REST: variants seen among roughly 807,000 people sequenced by gnomAD.
The protein encoded by REST is RE1-silencing transcription factor.
A neutral mutation model predicts 30.4 loss-of-function variants in REST; 1 was observed. The observed-to-expected ratio is 0.03, with a 90% CI of 0.01 to 0.16. The LOEUF (loss-of-function observed/expected upper bound fraction) is 0.16. Among genes scored for constraint, REST ranks in the 10% least tolerant of loss-of-function variants. REST has a pLI of 1.00. For synonymous variants in REST, 504 were observed against 451.1 expected (o/e 1.12, Z -1.49); for missense variants, 1,259 against 1,329.5 (o/e 0.95, Z 0.82).
intron 2 of REST, among the ~76,000 whole-genome samples, chr4:56,916,080 G>A (rs1328539077): frequency 6.7e-6 from 1 of 149,596 alleles, no homozygotes; most frequent in East Asian, 2.1e-4. Context: ...CAGCCTGGGG[G>A]ACAGAGTGAG....
chr4:56,925,669 G>T (rs1042521537), intron 3 of REST, among the ~76,000 whole-genome samples: 4 of 152,202 alleles, frequency 2.6e-5, no homozygotes, highest in Non-Finnish European at 1.5e-5. Flanking sequence ...TTGGGAAAAA[G>T]AATTTAAAAT....
chr4:56,919,945 C>T (rs1225342365), intron 3 of REST, 75 bp downstream of exon 3: 1 of 657,260 alleles, frequency 1.5e-6, no homozygotes, highest in East Asian at 2.7e-5. Context: ...AGACTTGTAA[C>T]CGAGTCATTT....
At chr4:56,918,526 C>A (rs1048541928) in intron 2 of REST, among the ~76,000 whole-genome samples, 4 of 152,106 alleles carry the variant, frequency 2.6e-5, no homozygotes, top group Non-Finnish European at 5.9e-5. Flanking sequence ...TGATGACCTT[C>A]TCTTAAATTT....
At chr4:56,915,099 T>G (rs1172677690) in intron 2 of REST, among the ~76,000 whole-genome samples, 2 of 150,858 alleles carry the variant, frequency 1.3e-5, no homozygotes, top group African/African-American at 4.9e-5. Context: ...AATTTTGTAT[T>G]TTTAGTAGAG....
chr4:56,913,935 C>T (rs886842443), intron 2 of REST, among the ~76,000 whole-genome samples: 9 of 149,354 alleles, frequency 6.0e-5, no homozygotes, highest in African/African-American at 9.9e-5. Context: ...TGAGCCACCG[C>T]GCCTGGCCAG....
chr4:56,926,325 G>A (rs749223570), intron 3 of REST, among the ~76,000 whole-genome samples: 10 of 151,932 alleles, frequency 6.6e-5, no homozygotes, highest in Admixed American at 2.6e-4. Flanking sequence ...CGCCTGCCTC[G>A]GCTTCCCAAA....
Position 56,919,767 on chromosome 4 carries a change from A to T in REST, c.899-20A>T. On this transcript the variant is annotated intron_variant, in intron 2 of 3. Transcript: ENST00000309042. ...TATTTCGTGACATTTAAACACTCTT[A>T]TATTATTGAAATTTTGCAGGAGAAC... 6.6e-7 allele frequency: 1 copy of T among 1,513,222 alleles called. No homozygotes were observed. The highest frequency in any genetic ancestry group is 9.2e-7 in the Non-Finnish European group (1 of 1,091,848). The allele number at this position is 1,513,222 out of a possible 1,614,324, so 93.7% of individuals were successfully genotyped here. A position where few individuals can be genotyped will look rare whatever the true frequency, so the allele number is the denominator to read the frequency against.
In REST at chr4:56,935,699, G is replaced by A. The variant is rs921053940; in HGVS notation, c.*3547G>A. 1.3e-5 allele frequency: 2 copies of A among 152,288 alleles called. No individual in the cohort carries two copies. The highest frequency in any genetic ancestry group is 1.9e-4 in the East Asian group (1 of 5,188). The allele number at this position is 152,288 out of a possible 1,614,324, so 9.4% of individuals were successfully genotyped here. A position where few individuals can be genotyped will look rare whatever the true frequency, so the allele number is the denominator to read the frequency against. ...GTAATAGATAAAAATAAACCAGATT[G>A]CAAATCCTTTTTTAAAATCCTAAAC... is the stretch of plus-strand genomic sequence containing the variant. On this transcript the variant is annotated 3_prime_UTR_variant, in exon 4 of 4. Transcript: ENST00000309042.
At chr4:56,916,802 C>T (rs1230255065) in intron 2 of REST, among the ~76,000 whole-genome samples, 1 of 152,116 alleles carries the variant, frequency 6.6e-6, no homozygotes, top group Non-Finnish European at 1.5e-5. Context: ...TCATAATAAG[C>T]AGTCTGAATA....
In REST at chr4:56,931,385, G is replaced by C. The variant is rs564650387; in HGVS notation, c.2527G>C (p.Val843Leu). 5 of 1,614,252 alleles carry C rather than the reference G, an allele frequency of 3.1e-6. No homozygotes were observed. The South Asian group carries it at 5.5e-5, about 18-fold the overall frequency. Residue 843 changes from valine to leucine, a missense_variant, in exon 4 of 4, where the codon GTG becomes CTG. Coordinates refer to ENST00000309042, the MANE Select transcript of REST (RefSeq NM_005612.5). ...GCAAGTCCTTATTGAAGTTGGCTTA[G>C]TGCCTGTTAAAGATAGCTGGCTTCT... ...KEQVLIEVGL[V>L]PVKDSWLLKE...
Position 56,931,019 on chromosome 4 carries a change from A to T in REST, c.2161A>T (p.Met721Leu). 1.9e-6 allele frequency: 3 copies of T among 1,614,162 alleles called. No individual in the cohort carries two copies. Among genetic ancestry groups the T allele is most frequent in the South Asian group, 2.2e-5 (2 of 91,080 alleles). The part of the protein sequence containing the change: ...MEVAQVESAP[M>L]QVVQKEPVQM... ...GGTTGCCCAGGTAGAATCTGCTCCC[A>T]TGCAGGTGGTCCAGAAGGAGCCTGT... The change falls in exon 4 of 4, where the codon ATG becomes TTG. Residue 721 changes from methionine (M) to leucine (L), a missense_variant. Met to Leu is a conservative substitution (Grantham distance 15, BLOSUM62 2). Coordinates refer to ENST00000309042, the MANE Select transcript of REST (RefSeq NM_005612.5).
intron 3 of REST, among the ~76,000 whole-genome samples, chr4:56,923,737 T>G (rs1034473299): frequency 1.3e-5 from 2 of 151,564 alleles, no homozygotes; most frequent in African/African-American, 4.9e-5. Flanking sequence ...ATTTATTTAT[T>G]TATTGAGACT....
Position 56,930,293 on chromosome 4 carries a change from C to A in REST, c.1435C>A (p.Pro479Thr). The A allele has an allele frequency of 6.2e-7, 1 of 1,613,702 alleles. No homozygotes were observed. Among genetic ancestry groups the A allele is most frequent in the African/African-American group, 1.3e-5 (1 of 75,022 alleles). ...EKRDVSKEKK[P>T]SNNVSVIQVT... ...AAGAGATGTCTCAAAAGAGAAAAAG[C>A]CTTCTAATAATGTGTCAGTGATCCA... is the stretch of plus-strand genomic sequence containing the variant. Residue 479 changes from proline to threonine, a missense_variant, in exon 4 of 4, where the codon CCT becomes ACT. Physicochemically the swap from Pro to Thr is conservative, Grantham distance 38. Coordinates refer to ENST00000309042, the MANE Select transcript of REST (RefSeq NM_005612.5).
intron 2 of REST, 125 bp downstream of exon 2, chr4:56,911,661 T>G: frequency 1.3e-6 from 1 of 759,844 alleles, no homozygotes; most frequent in Non-Finnish European, 2.1e-6. Flanking sequence ...GCTATCTTTG[T>G]GACCTTGCAC....
chr4:56,912,233 C>G (rs1578487436), intron 2 of REST, among the ~76,000 whole-genome samples: 1 of 151,880 alleles, frequency 6.6e-6, no homozygotes, highest in African/African-American at 2.4e-5. Context: ...CCAATTGAAA[C>G]TATTTTCCTA....
chr4:56,931,415 G>C lies in REST; in HGVS notation c.2557G>C (p.Glu853Gln), dbSNP rs143324668. 772 of 1,614,232 alleles carry C rather than the reference G, an allele frequency of 4.8e-4. 7 individuals are homozygous for C. In the African/African-American group the frequency reaches 9.7e-3, roughly 20 times the overall value. The change falls in exon 4 of 4, where the codon GAA becomes CAA. Residue 853 changes from glutamate to glutamine, a missense_variant. By Grantham distance (29) the Glu-to-Gln change is conservative (BLOSUM62 2). This residue lies in a region of REST where 856 missense variants were observed against 772.8 expected (regional missense o/e 1.11). Transcript: ENST00000309042. ...TGTTAAAGATAGCTGGCTTCTAAAG[G>C]AAAGTGTAAGCACAGAGGATCTCTC... ...VPVKDSWLLK[E>Q]SVSTEDLSPP...
chr4:56,912,987 G>GA (rs1302282389), intron 2 of REST, among the ~76,000 whole-genome samples: 1 of 150,860 alleles, frequency 6.6e-6, no homozygotes, highest in East Asian at 1.9e-4. Flanking sequence ...GTGGAGATGG[G>GA]GGGTCTCACT....
chr4:56,927,771 A>G lies in REST; in HGVS notation c.983-2070A>G, dbSNP rs6838886. ...TGACTTTGCTTATTTTACATACCAT[A>G]TCTATTTGTGTGCCACTTCTCATTA... On this transcript the variant is annotated intron_variant, in intron 3 of 3. Transcript: ENST00000309042. 7,889 of 292,016 alleles carry G rather than the reference A, an allele frequency of 0.027. 681 individuals carry two copies. The highest frequency in any genetic ancestry group is 0.17 in the African/African-American group (7,290 of 43,840). 18.1% of individuals were successfully genotyped at this position (292,016 alleles called of 1,614,324 possible).
chr4:56,923,632 G>A (rs749856320), intron 3 of REST, among the ~76,000 whole-genome samples: 5 of 151,656 alleles, frequency 3.3e-5, no homozygotes, highest in Admixed American at 6.6e-5. Flanking sequence ...TTTAGTAGAG[G>A]TGTTGATCCA....
Sources: allele counts gnomAD v4.1 joint callset (sites outside exome capture counted in the v4.1 genomes callset), GRCh38; gene constraint gnomAD v4.1.1; regional missense constraint gnomAD v4.1.1; transcripts MANE v1.5; gene names NCBI Gene and HGNC (gene_info 2026-07-23, HGNC 2026-07-21).